COP1: variants seen among roughly 807,000 people sequenced by gnomAD.
The protein encoded by COP1 is COP1 E3 ubiquitin ligase.
COP1 carries 24 observed loss-of-function variants against 101.3 expected under a neutral mutation model. The ratio of observed to expected loss-of-function variants is 0.24; its 90% CI spans 0.17 to 0.33. The LOEUF (loss-of-function observed/expected upper bound fraction) is 0.33. Among genes scored for constraint, COP1 ranks in the 10% least tolerant of loss-of-function variants. COP1 has a pLI of 1.00. For synonymous variants in COP1, 347 were observed against 341.9 expected (o/e 1.01, Z -0.17); for missense variants, 663 against 906.2 (o/e 0.73, Z 3.45).
intron 18 of COP1, among the ~76,000 whole-genome samples, chr1:175,961,264 C>A (rs1253214287): frequency 6.6e-6 from 1 of 152,238 alleles, no homozygotes; most frequent in African/African-American, 2.4e-5. Context: ...TACTTCTGTC[C>A]CTTTGGAGAA....
rs572944521 is a variant in COP1, at chr1:176,170,597, AAG to A, written c.565+5311_565+5312del. On this transcript the variant is annotated intron_variant, in intron 3 of 19. Transcript: ENST00000367669. ...ACGATATTCAGTAAATCACGCTGAA[AAG>A]AGATATGCTGTCTTCAGGCTTTGTT... Among the ~76,000 whole-genome samples the A allele has an allele frequency of 3.0e-3, 453 of 152,292 alleles. 2 individuals carry two copies. The highest frequency in any genetic ancestry group is 0.01 in the African/African-American group (426 of 41,570).
intron 8 of COP1, among the ~76,000 whole-genome samples, chr1:176,121,047 A>AT (rs34962929): frequency 0.016 from 2,356 of 151,738 alleles, 29 homozygotes; most frequent in African/African-American, 0.032. Context: ...ATTATCATTG[A>AT]TTTTTTTTGC....
At chr1:176,142,831 CA>C (rs1274734085) in intron 6 of COP1, among the ~76,000 whole-genome samples, 1 of 150,534 alleles carries the variant, frequency 6.6e-6, no homozygotes, top group African/African-American at 2.4e-5. Flanking sequence ...CAATAATAAA[CA>C]AAATATGATG....
At chr1:176,163,380 TTTTG>T (rs1458049232) in intron 4 of COP1, among the ~76,000 whole-genome samples, 4 of 152,212 alleles carry the variant, frequency 2.6e-5, no homozygotes, top group African/African-American at 4.8e-5. Flanking sequence ...CAAAGGTTTG[TTTTG>T]TTTTTGTTTT....
intron 18 of COP1, 91 bp downstream of exon 18, chr1:175,986,852 C>T (rs1329292918): frequency 1.9e-6 from 2 of 1,037,574 alleles, no homozygotes; most frequent in Admixed American, 2.7e-5. Flanking sequence ...ATACCACATA[C>T]CAATTTATAT....
intron 10 of COP1, among the ~76,000 whole-genome samples, chr1:176,084,963 A>T (rs1301840217): frequency 6.6e-6 from 1 of 152,150 alleles, no homozygotes; most frequent in Non-Finnish European, 1.5e-5. Flanking sequence ...TGTCACTTAC[A>T]ATCATTAAAA....
At chr1:176,063,056 T>TTTG (rs1675219031) in intron 11 of COP1, among the ~76,000 whole-genome samples, 1 of 138,762 alleles carries the variant, frequency 7.2e-6, no homozygotes, top group Non-Finnish European at 1.6e-5. Context: ...TGTTTTTTTT[T>TTTG]TTTTTTTTTT....
intron 1 of COP1, among the ~76,000 whole-genome samples, chr1:176,188,003 C>T (rs762614926): frequency 2.6e-4 from 39 of 151,916 alleles, no homozygotes; most frequent in Middle Eastern, 3.2e-3. Flanking sequence ...GGAATTTTAT[C>T]CCCTCTTCCC....
At chr1:175,993,980 A>G (rs527465340) in intron 15 of COP1, among the ~76,000 whole-genome samples, 86 of 152,330 alleles carry the variant, frequency 5.6e-4, no homozygotes, top group African/African-American at 2.0e-3. Context: ...AAAAATGTTA[A>G]GGGCAGCCAG....
At chr1:176,180,206 T>C (rs548738092) in intron 2 of COP1, among the ~76,000 whole-genome samples, 2 of 152,310 alleles carry the variant, frequency 1.3e-5, no homozygotes, top group East Asian at 3.9e-4. Context: ...TAGCACAATA[T>C]CCTGTTAAAA....
At chr1:175,989,146 C>T (rs1462036677) in intron 16 of COP1, 9 of 370,908 alleles carry the variant, frequency 2.4e-5, no homozygotes, top group Non-Finnish European at 4.4e-5. Context: ...CTAGTATCTT[C>T]AGGATTTTAC....
In COP1 at chr1:176,096,613, T is replaced by G. The variant is rs1682432954; in HGVS notation, c.1027-10723A>C. On this transcript the variant is annotated intron_variant, in intron 9 of 19. Transcript: ENST00000367669. ...AGAGGTTCTTCTCCCAGGGTTACCC[T>G]TACACTATGAACTGTTTTTTCTCTA... Among the ~76,000 whole-genome samples, 3 of 152,236 alleles carry G rather than the reference T, an allele frequency of 2.0e-5. No homozygotes were observed. In the South Asian group the frequency reaches 6.2e-4, roughly 31 times the overall value.
At chr1:175,985,278 A>AAT (rs1429563984) in intron 18 of COP1, among the ~76,000 whole-genome samples, 2 of 152,096 alleles carry the variant, frequency 1.3e-5, no homozygotes, top group Non-Finnish European at 2.9e-5. Context: ...GGTTTAATTC[A>AAT]TGCTGTCTTC....
At chr1:176,008,843 T>C (rs1409157766) in intron 15 of COP1, among the ~76,000 whole-genome samples, 1 of 152,210 alleles carries the variant, frequency 6.6e-6, no homozygotes, top group African/African-American at 2.4e-5. Flanking sequence ...TTTTTATTTA[T>C]TTTTGTTTTT....
At position 176,206,829 on chromosome 1, in the gene COP1, G is replaced by T. The variant is rs765873086; in HGVS notation, c.150C>A (p.Gly50=). ...VAVSAAALVS[G]GVAQAAGSGG... ...CCGAGCCGGCGGCCTGGGCCACCCCGCCGGACACCAGCGCTGCCGCCGAAA... is the reference window on the plus strand; with the variant it reads ...CCGAGCCGGCGGCCTGGGCCACCCCTCCGGACACCAGCGCTGCCGCCGAAA... Residue 50 remains glycine (G), a synonymous_variant, in exon 1 of 20, where the codon GGC becomes GGA. Transcript: ENST00000367669. The T allele has an allele frequency of 6.4e-6, 9 of 1,409,014 alleles. No homozygotes were observed. The highest frequency in any genetic ancestry group is 1.5e-5 in the South Asian group (1 of 67,100). The allele number at this position is 1,409,014 out of a possible 1,614,324, so 87.3% of individuals were successfully genotyped here. A position where few individuals can be genotyped will look rare whatever the true frequency, so the allele number is the denominator to read the frequency against.
chr1:176,195,390 T>A (rs1327198357), intron 1 of COP1, among the ~76,000 whole-genome samples: 1 of 152,102 alleles, frequency 6.6e-6, no homozygotes, highest in Non-Finnish European at 1.5e-5. Context: ...TGGAGATGAT[T>A]GAAGAATATG....
At chr1:176,109,968 C>T (rs1441426956) in intron 9 of COP1, among the ~76,000 whole-genome samples, 1 of 152,028 alleles carries the variant, frequency 6.6e-6, no homozygotes, top group East Asian at 1.9e-4. Flanking sequence ...ATTCTGACCA[C>T]ATTCCAGAAA....
intron 1 of COP1, among the ~76,000 whole-genome samples, chr1:176,187,717 T>C (rs1186442415): frequency 6.6e-6 from 1 of 152,170 alleles, no homozygotes; most frequent in Non-Finnish European, 1.5e-5. Flanking sequence ...ATAGAATCAT[T>C]ACACAGATTA....
chr1:176,081,298 A>C lies in COP1; in HGVS notation c.1142-11T>G. The C allele has an allele frequency of 6.7e-7, 1 of 1,495,720 alleles. No homozygotes were observed. 92.7% of individuals were successfully genotyped at this position (1,495,720 alleles called of 1,614,324 possible). On this transcript the variant is annotated splice_polypyrimidine_tract_variant and intron_variant, in intron 10 of 19. Coordinates refer to ENST00000367669, the MANE Select transcript of COP1 (RefSeq NM_022457.7). ...CAGTTCGACTGTCATCTATATGAAA[A>C]AAAAAAAAAAAAGACAAAACAGATG...
Sources: allele counts gnomAD v4.1 joint callset (sites outside exome capture counted in the v4.1 genomes callset), GRCh38; gene constraint gnomAD v4.1.1; transcripts MANE v1.5; gene names NCBI Gene and HGNC (gene_info 2026-07-23, HGNC 2026-07-21).